The following NKAIN3 variants were observed in gnomAD, a reference collection of about 807,000 sequenced individuals.
NKAIN3 encodes sodium/potassium transporting ATPase interacting 3, also known as sodium/potassium-transporting ATPase subunit beta-1-interacting protein 3.
In NKAIN3, 25 loss-of-function variants were observed where a neutral mutation model predicts 30.2. That is an observed-to-expected ratio of 0.83 (90% CI 0.60 to 1.16). The LOEUF is 1.16. NKAIN3 is among the 50% of genes most tolerant of loss of function. NKAIN3 has a pLI of 0.00. For synonymous variants in NKAIN3, 91 were observed against 89.6 expected (o/e 1.02, Z -0.09); for missense variants, 225 against 254.1 (o/e 0.89, Z 0.78).
intron 1 of NKAIN3, among the ~76,000 whole-genome samples, chr8:62,419,529 GC>G (rs1804565587): frequency 6.6e-6 from 1 of 152,204 alleles, no homozygotes; most frequent in Non-Finnish European, 1.5e-5. Context: ...CTCAAGTAAT[GC>G]TGTCATAGAG....
chr8:62,575,552 C>A (rs1810081541), intron 1 of NKAIN3, among the ~76,000 whole-genome samples: 1 of 152,040 alleles, frequency 6.6e-6, no homozygotes, highest in Admixed American at 6.6e-5. Context: ...AGGCAATCCA[C>A]AGATCTGAGG....
intron 3 of NKAIN3, among the ~76,000 whole-genome samples, chr8:62,740,464 A>C (rs1815827863): frequency 6.6e-6 from 1 of 152,108 alleles, no homozygotes; most frequent in African/African-American, 2.4e-5. Context: ...GGAGAAAGGC[A>C]AAAAAATGAT....
chr8:62,281,910 T>C (rs569334230), intron 1 of NKAIN3, among the ~76,000 whole-genome samples: 1 of 151,618 alleles, frequency 6.6e-6, no homozygotes, highest in South Asian at 2.1e-4. Context: ...ACAAAAACAA[T>C]TTTTTTTTAA....
chr8:62,634,755 A>G (rs1365831805), intron 3 of NKAIN3, among the ~76,000 whole-genome samples: 1 of 152,126 alleles, frequency 6.6e-6, no homozygotes, highest in African/African-American at 2.4e-5. Context: ...GCCTTTAAAC[A>G]AAGAAGAGAA....
intron 4 of NKAIN3, among the ~76,000 whole-genome samples, chr8:62,835,439 A>T: frequency 6.6e-6 from 1 of 152,174 alleles, no homozygotes; most frequent in East Asian, 1.9e-4. Flanking sequence ...AAGATCTAAT[A>T]TCCAGAATCT....
chr8:62,505,178 T>C (rs1241085551), intron 1 of NKAIN3, among the ~76,000 whole-genome samples: 1 of 152,234 alleles, frequency 6.6e-6, no homozygotes, highest in Admixed American at 6.5e-5. Flanking sequence ...ACTGTGGCTA[T>C]GCACAAAACT....
intron 4 of NKAIN3, among the ~76,000 whole-genome samples, chr8:62,862,714 G>A (rs1047757175): frequency 6.6e-5 from 10 of 152,046 alleles, no homozygotes; most frequent in Non-Finnish European, 1.3e-4. Context: ...TAGGAGAGAT[G>A]GGATACAAGT....
intron 5 of NKAIN3, among the ~76,000 whole-genome samples, chr8:62,930,823 C>G (rs1257788741): frequency 6.6e-6 from 1 of 151,898 alleles, no homozygotes; most frequent in Non-Finnish European, 1.5e-5. Context: ...CCTGCCTCAG[C>G]CTCCCGAGTA....
chr8:62,276,749 T>C (rs534276442), intron 1 of NKAIN3, among the ~76,000 whole-genome samples: 1 of 152,344 alleles, frequency 6.6e-6, no homozygotes, highest in East Asian at 1.9e-4. Flanking sequence ...TTACTAGCAG[T>C]CATGCTTTGC....
chr8:62,375,591 G>A (rs1228779464), intron 1 of NKAIN3, among the ~76,000 whole-genome samples: 2 of 152,150 alleles, frequency 1.3e-5, no homozygotes, highest in South Asian at 2.1e-4. Context: ...ATTATATTTA[G>A]GACTGTCAAA....
At position 62,618,867 on chromosome 8, in the gene NKAIN3, C is replaced by T. The variant is rs530073277; in HGVS notation, c.273+29073C>T. Among the ~76,000 whole-genome samples the T allele has an allele frequency of 7.2e-5, 11 of 151,796 alleles. No individual in the cohort carries two copies. The South Asian group carries it at 1.0e-3, about 14-fold the overall frequency. On this transcript the variant is annotated intron_variant, in intron 3 of 6. Transcript: ENST00000623646. ...GTTGCAGTGAGCTGAGATCGCGCCA[C>T]GGCACCCCAGCCTGGGCGACAGAGT...
chr8:62,653,270 T>C (rs73685419), intron 3 of NKAIN3, among the ~76,000 whole-genome samples: 6,895 of 152,250 alleles, frequency 0.045, 270 homozygotes, highest in African/African-American at 0.11. Flanking sequence ...ACCTTCTGTG[T>C]TCTTAAGTAG....
downstream of NKAIN3, among the ~76,000 whole-genome samples, chr8:62,986,211 C>A (rs189812527): frequency 6.6e-6 from 1 of 152,122 alleles, no homozygotes; most frequent in Admixed American, 6.5e-5. Context: ...GTGGCTAACC[C>A]GGAGATTCAT....
At chr8:62,799,321 G>A (rs910641834) in intron 4 of NKAIN3, among the ~76,000 whole-genome samples, 2 of 152,008 alleles carry the variant, frequency 1.3e-5, no homozygotes, top group African/African-American at 4.8e-5. Context: ...TATCTACAGT[G>A]TACAAAGAAC....
At position 62,971,854 on chromosome 8, in the gene NKAIN3, C is replaced by A. The variant is rs1266429280; in HGVS notation, c.*6447C>A. Among the ~76,000 whole-genome samples, 1 of 151,992 alleles carries A rather than the reference C, an allele frequency of 6.6e-6. No homozygotes were observed. The highest frequency in any genetic ancestry group is 2.4e-5 in the African/African-American group (1 of 41,368). ...AAGTATGTGAAATGAGAATTTCTGCCTCATCTTGTTTCCTTATCTTGTCTT... is the reference window on the plus strand; with the variant it reads ...AAGTATGTGAAATGAGAATTTCTGCATCATCTTGTTTCCTTATCTTGTCTT... On this transcript the variant is annotated 3_prime_UTR_variant, in exon 7 of 7. Coordinates refer to ENST00000623646, the MANE Select transcript of NKAIN3 (RefSeq NM_001304533.3).
chr8:62,695,166 A>G (rs530619147), intron 3 of NKAIN3, among the ~76,000 whole-genome samples: 1 of 152,268 alleles, frequency 6.6e-6, no homozygotes, highest in Admixed American at 6.5e-5. Flanking sequence ...TGTTTCACCA[A>G]TCATACTGTA....
chr8:62,548,955 A>G (rs1809106207), intron 1 of NKAIN3, among the ~76,000 whole-genome samples: 1 of 152,088 alleles, frequency 6.6e-6, no homozygotes, highest in Admixed American at 6.5e-5. Context: ...AGAAGCTATG[A>G]TAAGTAATAT....
rs1374478567 is a variant in NKAIN3, at chr8:62,966,019, C to A, written c.*612C>A. The A allele has an allele frequency of 3.0e-6, 3 of 984,464 alleles. No homozygotes were observed. The highest frequency in any genetic ancestry group is 1.1e-4 in the East Asian group (1 of 8,816). The allele number at this position is 984,464 out of a possible 1,614,324, so 61.0% of individuals were successfully genotyped here. ...GGCAATCTAAATTTTCAGATTCGTG[C>A]ATATCTTGTTTTTCCTGATATATAT... On this transcript the variant is annotated 3_prime_UTR_variant, in exon 7 of 7. Transcript: ENST00000623646.
intron 3 of NKAIN3, among the ~76,000 whole-genome samples, chr8:62,675,272 C>T (rs1263291021): frequency 6.6e-6 from 1 of 152,180 alleles, no homozygotes; most frequent in African/African-American, 2.4e-5. Flanking sequence ...AATTCAATTA[C>T]ATTGCCAAAT....
Sources: allele counts gnomAD v4.1 joint callset (sites outside exome capture counted in the v4.1 genomes callset), GRCh38; gene constraint gnomAD v4.1.1; transcripts MANE v1.5; gene names NCBI Gene and HGNC (gene_info 2026-07-23, HGNC 2026-07-21).